The following KMT2C variants were observed in gnomAD, a reference collection of about 807,000 sequenced individuals.
The protein encoded by KMT2C is histone-lysine N-methyltransferase 2C.
In KMT2C, 88 loss-of-function variants were observed where a neutral mutation model predicts 507.9. The ratio of observed to expected loss-of-function variants is 0.17; its 90% CI spans 0.15 to 0.21. The LOEUF (loss-of-function observed/expected upper bound fraction) is 0.21. Among genes scored for constraint, KMT2C ranks in the 10% least tolerant of loss-of-function variants. The pLI, the probability that KMT2C is intolerant of heterozygous loss-of-function variation, is 1.00. For missense variants in KMT2C, 4,954 were observed against 5,957.8 expected (o/e 0.83, Z 5.55); for synonymous variants, 2,049 against 2,080.8 (o/e 0.98, Z 0.42).
chr7:152,398,019 T>C (rs1344426603), intron 1 of KMT2C, among the ~76,000 whole-genome samples: 1 of 152,234 alleles, frequency 6.6e-6, no homozygotes, highest in Non-Finnish European at 1.5e-5. Flanking sequence ...CTCCACATCA[T>C]TCACGTGTGT....
intron 42 of KMT2C, among the ~76,000 whole-genome samples, chr7:152,165,610 A>T (rs531900556): frequency 1.3e-5 from 2 of 152,354 alleles, no homozygotes; most frequent in South Asian, 4.1e-4. Flanking sequence ...GTTTGAAGAT[A>T]AGACACGTGA....
rs2129114631 is a variant in KMT2C, at chr7:152,177,332, A to T, written c.8121T>A (p.Val2707=). 6.2e-7 allele frequency: 1 copy of T among 1,614,186 alleles called. No homozygotes were observed. Among genetic ancestry groups the T allele is most frequent in the Non-Finnish European group, 8.5e-7 (1 of 1,180,012 alleles). ...KELDVKDLEG[V]EVKDLDDEDL... ...CTTCATCATCTAAGTCTTTGACTTCAACCCCCTCAAGGTCTTTAACATCCA... is the reference window on the plus strand; with the variant it reads ...CTTCATCATCTAAGTCTTTGACTTCTACCCCCTCAAGGTCTTTAACATCCA... The change falls in exon 38 of 59, where the codon GTT becomes GTA. Residue 2707 remains valine, a synonymous_variant. Transcript: ENST00000262189.
intron 23 of KMT2C, among the ~76,000 whole-genome samples, chr7:152,218,181 T>A (rs1427025978): frequency 1.3e-5 from 2 of 152,330 alleles, no homozygotes; most frequent in East Asian, 1.9e-4. Context: ...TTATTTATTT[T>A]TTGAGATGGA....
In KMT2C at chr7:152,176,971, A is replaced by C. The variant is rs763556913; in HGVS notation, c.8482T>G (p.Ser2828Ala). 6.2e-7 allele frequency: 1 copy of C among 1,614,018 alleles called. No individual in the cohort carries two copies. The highest frequency in any genetic ancestry group is 8.5e-7 in the Non-Finnish European group (1 of 1,179,962). Residue 2828 changes from serine (S) to alanine (A), a missense_variant, in exon 38 of 59, where the codon TCT (serine) becomes GCT (alanine). Around this residue, in one of 29 missense-constraint regions of KMT2C, gnomAD observed 1,689 missense variants for 1,654.3 expected, o/e 1.02. Transcript: ENST00000262189. ...VTNEVKTEVL[S>A]PNSKVESKCE... ...TTGGATTCCACCTTAGAATTTGGAG[A>C]CAGTACTTCCGTTTTTACCTCATTG...
chr7:152,204,766 A>G (rs1179659073), intron 25 of KMT2C, among the ~76,000 whole-genome samples: 1 of 152,176 alleles, frequency 6.6e-6, no homozygotes, highest in Non-Finnish European at 1.5e-5. Flanking sequence ...TTATGTAACT[A>G]AGTTATTCAG....
At chr7:152,353,247 A>T (rs2097127805) in intron 2 of KMT2C, among the ~76,000 whole-genome samples, 1 of 152,048 alleles carries the variant, frequency 6.6e-6, no homozygotes, top group African/African-American at 2.4e-5. Flanking sequence ...AGATGGTGAA[A>T]CCCAGTCTGC....
At position 152,357,613 on chromosome 7, in the gene KMT2C, G is replaced by GA. The variant is rs79542844; in HGVS notation, c.250+973dup. On this transcript the variant is annotated intron_variant, in intron 2 of 58. Coordinates refer to ENST00000262189, the MANE Select transcript of KMT2C (RefSeq NM_170606.3). ...AGTAAAAGTAACAATATATAGTACA[G>GA]AAAAAAAAACCATATGAAAAAGAAT... Among the ~76,000 whole-genome samples the GA allele has an allele frequency of 5.0e-4, 74 of 149,308 alleles. 1 individual carries two copies. Among genetic ancestry groups the GA allele is most frequent in the Admixed American group, 3.9e-3 (58 of 14,976 alleles).
chr7:152,223,256 C>A (rs1013418707), intron 20 of KMT2C, among the ~76,000 whole-genome samples: 4 of 151,956 alleles, frequency 2.6e-5, no homozygotes, highest in Non-Finnish European at 5.9e-5. Context: ...AGCAAGGAAA[C>A]ATTCTTGATT....
At chr7:152,259,930 G>A (rs2095739820) in intron 9 of KMT2C, among the ~76,000 whole-genome samples, 2 of 152,196 alleles carry the variant, frequency 1.3e-5, no homozygotes, top group Non-Finnish European at 2.9e-5. Flanking sequence ...AGAGAAAGAT[G>A]ATCACTCTTC....
At chr7:152,156,143 C>G in intron 45 of KMT2C, 62 bp downstream of exon 45, 1 of 1,600,810 alleles carries the variant, frequency 6.2e-7, no homozygotes. Flanking sequence ...TGCCATTTCA[C>G]AATACACAAC....
intron 3 of KMT2C, among the ~76,000 whole-genome samples, chr7:152,322,277 G>A (rs897391144): frequency 2.0e-5 from 3 of 151,730 alleles, no homozygotes; most frequent in African/African-American, 4.8e-5. Context: ...GTGGGTGGAC[G>A]GCTCCAGCTC....
Position 152,182,279 on chromosome 7 carries a change from G to T in KMT2C, c.5581C>A (p.Arg1861=). Residue 1861 remains arginine, a synonymous_variant, in exon 36 of 59, where the codon CGG becomes AGG. Coordinates refer to ENST00000262189, the MANE Select transcript of KMT2C (RefSeq NM_170606.3). The part of the protein sequence containing the change: ...QAPPPPPAPS[R]IPIQDSLSQA... ...GAAAGACTATCCTGGATGGGAATCC[G>T]GGATGGGGCTGGAGGAGGAGGTGGA... 1 of 1,614,146 alleles carries T rather than the reference G, an allele frequency of 6.2e-7. No homozygotes were observed. The highest frequency in any genetic ancestry group is 1.1e-5 in the South Asian group (1 of 91,070).
At chr7:152,349,356 A>C (rs765394042) in intron 2 of KMT2C, among the ~76,000 whole-genome samples, 4 of 152,128 alleles carry the variant, frequency 2.6e-5, no homozygotes, top group Non-Finnish European at 5.9e-5. Flanking sequence ...AGACGGGAGA[A>C]TCACTTGAAA....
chr7:152,394,872 T>C (rs1360521835), intron 1 of KMT2C, among the ~76,000 whole-genome samples: 1 of 152,196 alleles, frequency 6.6e-6, no homozygotes, highest in Admixed American at 6.5e-5. Flanking sequence ...GAAAACCATC[T>C]AGGTCCGTGA....
intron 9 of KMT2C, among the ~76,000 whole-genome samples, chr7:152,253,952 C>G (rs1010507591): frequency 2.0e-5 from 3 of 152,126 alleles, no homozygotes; most frequent in Admixed American, 2.0e-4. Flanking sequence ...GTGGGGCTCT[C>G]ATTACCCACC....
At chr7:152,341,422 T>C (rs2096990560) in intron 2 of KMT2C, among the ~76,000 whole-genome samples, 1 of 152,226 alleles carries the variant, frequency 6.6e-6, no homozygotes. Context: ...TCTCTTCAAC[T>C]AAACCATCGA....
intron 37 of KMT2C, 21 bp downstream of exon 37, chr7:152,179,813 G>A (rs1178168233): frequency 2.5e-6 from 4 of 1,604,446 alleles, no homozygotes; most frequent in Middle Eastern, 1.7e-4. Flanking sequence ...TTTAAATTCG[G>A]CAGGAAATTA....
At chr7:152,255,140 T>TATATATATATATAC in intron 9 of KMT2C, among the ~76,000 whole-genome samples, 1 of 125,450 alleles carries the variant, frequency 8.0e-6, no homozygotes, top group African/African-American at 3.4e-5. Flanking sequence ...TATATATATA[T>TATATATATATATAC]ATATACATAT....
At chr7:152,142,771 G>A (rs1184609587) in intron 55 of KMT2C, among the ~76,000 whole-genome samples, 8 of 152,190 alleles carry the variant, frequency 5.3e-5, no homozygotes, top group Non-Finnish European at 1.0e-4. Context: ...ATGAAGCTAC[G>A]TCAGTTGATC....
Sources: allele counts gnomAD v4.1 joint callset (sites outside exome capture counted in the v4.1 genomes callset), GRCh38; gene constraint gnomAD v4.1.1; regional missense constraint gnomAD v4.1.1; transcripts MANE v1.5; gene names NCBI Gene and HGNC (gene_info 2026-07-23, HGNC 2026-07-21).